Variants in PCSK5 observed in about 807,000 individuals in gnomAD.
PCSK5 encodes the protein prohormone convertase 5.
A neutral mutation model predicts 233.2 loss-of-function variants in PCSK5; 129 were observed. That is an observed-to-expected ratio of 0.55 (90% CI 0.48 to 0.64). The LOEUF is 0.64. Among genes scored for constraint, PCSK5 ranks in the 30% least tolerant of loss-of-function variants. The pLI is 0.00. For synonymous variants in PCSK5, 825 were observed against 879.2 expected (o/e 0.94, Z 1.09); for missense variants, 2,076 against 2,430.1 (o/e 0.85, Z 3.06).
At chr9:76,232,508 C>T (rs1564124305) in intron 21 of PCSK5, among the ~76,000 whole-genome samples, 1 of 152,214 alleles carries the variant, frequency 6.6e-6, no homozygotes, top group Non-Finnish European at 1.5e-5. Flanking sequence ...ACCAGCAGCA[C>T]TGGCATCATC....
chr9:76,036,364 G>T (rs978316195), intron 5 of PCSK5, among the ~76,000 whole-genome samples: 2 of 152,170 alleles, frequency 1.3e-5, no homozygotes, highest in African/African-American at 2.4e-5. Flanking sequence ...AAGAAAGTAT[G>T]TTCTTTAGAT....
chr9:76,111,873 C>G (rs1302968091), intron 9 of PCSK5, among the ~76,000 whole-genome samples: 1 of 151,972 alleles, frequency 6.6e-6, no homozygotes, highest in Admixed American at 6.6e-5. Flanking sequence ...TGCTATAGAT[C>G]TATCAGGGGG....
chr9:75,998,428 A>G (rs1179700436), intron 3 of PCSK5, among the ~76,000 whole-genome samples: 1 of 152,140 alleles, frequency 6.6e-6, no homozygotes, highest in African/African-American at 2.4e-5. Context: ...ATAGTGAAAA[A>G]GAACTCACAG....
chr9:76,035,706 A>G (rs1308755698), intron 5 of PCSK5, among the ~76,000 whole-genome samples: 4 of 152,202 alleles, frequency 2.6e-5, no homozygotes, highest in Non-Finnish European at 5.9e-5. Context: ...TGGATTAAGC[A>G]TTTAAACAGG....
intron 10 of PCSK5, among the ~76,000 whole-genome samples, chr9:76,139,148 C>T (rs1035191483): frequency 6.6e-6 from 1 of 151,998 alleles, no homozygotes; most frequent in African/African-American, 2.4e-5. Context: ...ATTTTTAATA[C>T]CTACCTGTCT....
chr9:76,230,139 T>C (rs966964023), intron 21 of PCSK5, among the ~76,000 whole-genome samples: 10 of 152,218 alleles, frequency 6.6e-5, no homozygotes, highest in Admixed American at 4.6e-4. Flanking sequence ...GGATTTTTCT[T>C]CAAGTTTCTT....
intron 3 of PCSK5, among the ~76,000 whole-genome samples, chr9:76,000,745 A>T (rs1244432989): frequency 1.3e-5 from 2 of 152,314 alleles, no homozygotes; most frequent in Non-Finnish European, 2.9e-5. Context: ...AAACCTGTTC[A>T]TGCTTAAACT....
chr9:76,065,837 G>A (rs994166588), intron 5 of PCSK5, among the ~76,000 whole-genome samples: 1 of 152,052 alleles, frequency 6.6e-6, no homozygotes, highest in Non-Finnish European at 1.5e-5. Context: ...GTGGATGGGG[G>A]TGGGGGGTAA....
chr9:76,285,486 T>C (rs994269198), intron 24 of PCSK5, among the ~76,000 whole-genome samples: 13 of 152,164 alleles, frequency 8.5e-5, no homozygotes, highest in Admixed American at 8.5e-4. Context: ...TCTGTCATCC[T>C]AGCCAGTAAC....
chr9:75,942,423 G>T (rs563408035), intron 2 of PCSK5, among the ~76,000 whole-genome samples: 1 of 152,322 alleles, frequency 6.6e-6, no homozygotes, highest in Non-Finnish European at 1.5e-5. Flanking sequence ...TCTTTGGTCT[G>T]ATGCTCACAT....
intron 29 of PCSK5, among the ~76,000 whole-genome samples, chr9:76,309,399 G>A: frequency 6.6e-6 from 1 of 152,068 alleles, no homozygotes; most frequent in Non-Finnish European, 1.5e-5. Context: ...CTGACATAAA[G>A]AATGTTTAAG....
rs769323967 is a variant in PCSK5 at position 76,239,083 on chromosome 9, C to A, written c.2991C>A (p.Ser997Arg). The A allele has an allele frequency of 5.6e-6, 9 of 1,609,540 alleles. 1 individual carries two copies. Among genetic ancestry groups the A allele is most frequent in the East Asian group, 2.2e-5 (1 of 44,712 alleles). The change falls in exon 23 of 38, where the codon AGC becomes AGA. Residue 997 changes from serine (S) to arginine (R), a missense_variant. Physicochemically the swap from Ser to Arg is moderately radical, Grantham distance 110. Around this residue, in one of 6 missense-constraint regions of PCSK5, gnomAD observed 1,510 missense variants for 1,538.1 expected, o/e 0.98. Transcript: ENST00000674117. ...CAGACAACTGTGAGCTTTGCCACAG[C>A]GTGCATGTCTGCACAAGATGCATGA... ...PCPDNCELCH[S>R]VHVCTRCMKG...
intron 20 of PCSK5, among the ~76,000 whole-genome samples, chr9:76,190,977 T>A (rs995424663): frequency 6.6e-5 from 10 of 152,272 alleles, no homozygotes; most frequent in South Asian, 6.2e-4. Flanking sequence ...ATACCAAGTT[T>A]CCTCACCTCT....
chr9:76,346,679 A>T (rs577830393), intron 35 of PCSK5, among the ~76,000 whole-genome samples: 2 of 152,238 alleles, frequency 1.3e-5, no homozygotes, highest in African/African-American at 4.8e-5. Flanking sequence ...TTGTGCTATC[A>T]TCTGGTTTTG....
chr9:76,142,531 G>A (rs1371145858), intron 10 of PCSK5, among the ~76,000 whole-genome samples: 4 of 151,960 alleles, frequency 2.6e-5, no homozygotes, highest in Non-Finnish European at 4.4e-5. Flanking sequence ...AAAGAATGAG[G>A]AAAATTGTAT....
At chr9:76,177,688 T>G (rs1367085530) in intron 14 of PCSK5, among the ~76,000 whole-genome samples, 1 of 152,238 alleles carries the variant, frequency 6.6e-6, no homozygotes, top group Non-Finnish European at 1.5e-5. Context: ...TTTATTCATA[T>G]TTTGGTAATG....
chr9:76,279,924 C>T (rs532809965), intron 24 of PCSK5, among the ~76,000 whole-genome samples: 1 of 151,950 alleles, frequency 6.6e-6, no homozygotes, highest in Admixed American at 6.6e-5. Flanking sequence ...TTAATTAGAT[C>T]CCATTTGTCA....
chr9:76,037,331 T>C (rs1426961255), intron 5 of PCSK5, among the ~76,000 whole-genome samples: 4 of 152,188 alleles, frequency 2.6e-5, no homozygotes, highest in Non-Finnish European at 5.9e-5. Context: ...TCTCAAACAG[T>C]TCTACTTACA....
chr9:76,189,807 C>G (rs1275383108), intron 20 of PCSK5, 61 bp downstream of exon 20: 4 of 628,378 alleles, frequency 6.4e-6, no homozygotes, highest in Non-Finnish European at 1.1e-5. Context: ...ACTTTCAGGA[C>G]TAATATTTTT....
Sources: allele counts gnomAD v4.1 joint callset (sites outside exome capture counted in the v4.1 genomes callset), GRCh38; gene constraint gnomAD v4.1.1; regional missense constraint gnomAD v4.1.1; transcripts MANE v1.5; gene names NCBI Gene and HGNC (gene_info 2026-07-23, HGNC 2026-07-21).